STPG2: variants seen among roughly 807,000 people sequenced by gnomAD.
The protein encoded by STPG2 is sperm-tail PG-rich repeat-containing protein 2.
Under a neutral mutation model 54.2 loss-of-function variants are expected in STPG2, and 56 were observed. The observed-to-expected ratio is 1.03, with a 90% CI of 0.83 to 1.29. The LOEUF is 1.29. STPG2 is among the 50% of genes most tolerant of loss of function. The pLI, the probability that STPG2 is intolerant of heterozygous loss-of-function variation, is 0.00. For synonymous variants in STPG2, 200 were observed against 181.8 expected (o/e 1.10, Z -0.81); for missense variants, 596 against 544.9 (o/e 1.09, Z -0.93).
At chr4:97,478,873 ATG>A (rs35662485) in intron 4 of STPG2, among the ~76,000 whole-genome samples, 34,561 of 133,576 alleles carry the variant, frequency 0.26, 4,554 homozygotes, top group East Asian at 0.45. Flanking sequence ...CAAGCCAAAT[ATG>A]TGTGTGTGTG....
At chr4:97,714,178 G>T (rs1038756553) in intron 9 of STPG2, among the ~76,000 whole-genome samples, 2 of 152,122 alleles carry the variant, frequency 1.3e-5, no homozygotes, top group African/African-American at 4.8e-5. Flanking sequence ...TAATAAGCAT[G>T]CAATTCAATC....
intron 9 of STPG2, among the ~76,000 whole-genome samples, chr4:97,778,654 C>T (rs1041621583): frequency 6.6e-6 from 1 of 152,176 alleles, no homozygotes; most frequent in African/African-American, 2.4e-5. Context: ...TCCCTGACCC[C>T]CGAGTAGCCT....
chr4:97,682,140 T>C (rs1723057119), intron 10 of STPG2, among the ~76,000 whole-genome samples: 1 of 151,706 alleles, frequency 6.6e-6, no homozygotes, highest in Admixed American at 6.6e-5. Context: ...CCAAATCTAA[T>C]GAATTATATA....
At chr4:97,853,826 G>C (rs1220805242) in intron 8 of STPG2, among the ~76,000 whole-genome samples, 2 of 152,068 alleles carry the variant, frequency 1.3e-5, no homozygotes, top group African/African-American at 4.8e-5. Context: ...CTCTCACCCA[G>C]GCTGGAGTGC....
intron 1 of STPG2, among the ~76,000 whole-genome samples, chr4:98,141,953 A>AAAAAAC (rs1553945985): frequency 6.6e-6 from 1 of 151,676 alleles, no homozygotes; most frequent in African/African-American, 2.4e-5. Context: ...AAAAAAAAAA[A>AAAAAAC]AAAAAAAAAC....
At chr4:97,773,547 A>C (rs2149064332) in intron 9 of STPG2, among the ~76,000 whole-genome samples, 1 of 152,230 alleles carries the variant, frequency 6.6e-6, no homozygotes, top group South Asian at 2.1e-4. Flanking sequence ...CATGAGCTCA[A>C]GTAATCTCCC....
At chr4:98,024,410 A>G (rs1315286797) in intron 5 of STPG2, among the ~76,000 whole-genome samples, 1 of 152,230 alleles carries the variant, frequency 6.6e-6, no homozygotes, top group African/African-American at 2.4e-5. Flanking sequence ...ACACCCTTCC[A>G]TAACATTAAT....
chr4:97,494,142 A>G (rs561921086), intron 4 of STPG2, among the ~76,000 whole-genome samples: 1 of 151,712 alleles, frequency 6.6e-6, no homozygotes, highest in Non-Finnish European at 1.5e-5. Context: ...CAAATGGAGT[A>G]AATTTATAAT....
At chr4:97,714,299 C>T (rs776334888) in intron 9 of STPG2, among the ~76,000 whole-genome samples, 3 of 152,066 alleles carry the variant, frequency 2.0e-5, no homozygotes, top group South Asian at 2.1e-4. Flanking sequence ...TAATATAGGA[C>T]ATTTCAAAAT....
chr4:97,523,110 T>C (rs1731214170), intron 4 of STPG2, among the ~76,000 whole-genome samples: 1 of 151,974 alleles, frequency 6.6e-6, no homozygotes, highest in Non-Finnish European at 1.5e-5. Flanking sequence ...AGCATTTTCA[T>C]CCACTGTATA....
chr4:97,997,305 C>T lies in STPG2; in HGVS notation c.613-15987G>A, dbSNP rs562044432. ...TTGGCTCACAGTTCTGCAGGCTATA[C>T]AGGAAGCATAGCACCAGCATCTGCT... On this transcript the variant is annotated intron_variant, in intron 5 of 10. Coordinates refer to ENST00000295268, the MANE Select transcript of STPG2 (RefSeq NM_174952.3). Among the ~76,000 whole-genome samples the T allele has an allele frequency of 2.6e-5, 4 of 152,222 alleles. No homozygotes were observed. The South Asian group carries it at 6.2e-4, about 24-fold the overall frequency.
At chr4:98,011,910 C>T (rs1447551436) in intron 5 of STPG2, among the ~76,000 whole-genome samples, 1 of 152,124 alleles carries the variant, frequency 6.6e-6, no homozygotes, top group Non-Finnish European at 1.5e-5. Context: ...CTGTAGGTCG[C>T]CTGTTCACTC....
intron 8 of STPG2, among the ~76,000 whole-genome samples, chr4:97,872,011 C>A (rs1267279622): frequency 6.6e-6 from 1 of 150,838 alleles, no homozygotes; most frequent in Non-Finnish European, 1.5e-5. Flanking sequence ...TCATAATACA[C>A]CATGTTAATA....
intron 10 of STPG2, among the ~76,000 whole-genome samples, chr4:97,696,157 T>C (rs905733932): frequency 1.3e-5 from 2 of 152,142 alleles, no homozygotes; most frequent in Non-Finnish European, 2.9e-5. Context: ...ATTACTGGCA[T>C]AAAAATAGGC....
intron 5 of STPG2, among the ~76,000 whole-genome samples, chr4:98,035,426 C>T (rs1051855180): frequency 2.6e-5 from 4 of 151,926 alleles, no homozygotes; most frequent in African/African-American, 2.4e-5. Flanking sequence ...GTTAGAAAGG[C>T]GATCATTAAA....
At chr4:97,944,130 T>C in intron 7 of STPG2, 123 bp from the exon 8 acceptor site, 1 of 628,336 alleles carries the variant, frequency 1.6e-6, no homozygotes, top group Non-Finnish European at 2.7e-6. Flanking sequence ...AGACACATAT[T>C]CATAAACAAA....
At chr4:98,035,319 A>C (rs1736736648) in intron 5 of STPG2, among the ~76,000 whole-genome samples, 2 of 152,242 alleles carry the variant, frequency 1.3e-5, no homozygotes, top group African/African-American at 2.4e-5. Context: ...AAAAGAAGAC[A>C]TTTATGCGGC....
At chr4:97,926,885 TA>T (rs1454667543) in intron 8 of STPG2, among the ~76,000 whole-genome samples, 1 of 152,024 alleles carries the variant, frequency 6.6e-6, no homozygotes, top group Admixed American at 6.6e-5. Context: ...TTTTTATAGC[TA>T]AAAATATAGT....
At chr4:97,836,784 G>T (rs890811075) in intron 9 of STPG2, among the ~76,000 whole-genome samples, 13 of 149,732 alleles carry the variant, frequency 8.7e-5, no homozygotes, top group African/African-American at 2.9e-4. Context: ...CTATAAACAA[G>T]AATATTTACT....
Sources: allele counts gnomAD v4.1 joint callset (sites outside exome capture counted in the v4.1 genomes callset), GRCh38; gene constraint gnomAD v4.1.1; transcripts MANE v1.5; gene names NCBI Gene and HGNC (gene_info 2026-07-23, HGNC 2026-07-21).